Variants in RNF13 observed in about 807,000 individuals in gnomAD.
RNF13 encodes the protein E3 ubiquitin-protein ligase RNF13.
A neutral mutation model predicts 37.7 loss-of-function variants in RNF13; 19 were observed. The ratio of observed to expected loss-of-function variants is 0.50; its 90% CI spans 0.35 to 0.74. The LOEUF is 0.74. Among genes scored for constraint, RNF13 ranks in the 30% least tolerant of loss-of-function variants. The pLI is 0.01. For missense variants in RNF13, 375 were observed against 453.0 expected, an observed-to-expected ratio of 0.83 and a Z score of 1.56; for synonymous variants, 144 against 157.8, an observed-to-expected ratio of 0.91 and a Z score of 0.65.
At chr3:149,829,334 G>A (rs754830356) in intron 1 of RNF13, among the ~76,000 whole-genome samples, 53 of 151,908 alleles carry the variant, frequency 3.5e-4, no homozygotes, top group African/African-American at 1.0e-3. Context: ...TCCTGACCTC[G>A]GGCGATCCTC....
At chr3:149,899,272 C>G (rs1715574120) in intron 5 of RNF13, among the ~76,000 whole-genome samples, 1 of 152,022 alleles carries the variant, frequency 6.6e-6, no homozygotes, top group African/African-American at 2.4e-5. Flanking sequence ...ATTGTGAAAC[C>G]CCATCTCTAC....
At chr3:149,828,811 A>G (rs1720748123) in intron 1 of RNF13, among the ~76,000 whole-genome samples, 1 of 152,174 alleles carries the variant, frequency 6.6e-6, no homozygotes, top group African/African-American at 2.4e-5. Context: ...ACTTAATTAT[A>G]TGGATTCAAT....
chr3:149,939,081 A>ATT (rs1559964237), intron 8 of RNF13: 2 of 501,938 alleles, frequency 4.0e-6, no homozygotes, highest in Non-Finnish European at 3.9e-6. Flanking sequence ...AACTGCTTGC[A>ATT]TTTTAATGTC....
At chr3:149,958,427 C>T (rs750518723) in intron 8 of RNF13, among the ~76,000 whole-genome samples, 39 of 152,148 alleles carry the variant, frequency 2.6e-4, no homozygotes, top group Admixed American at 2.2e-3. Context: ...CACATCGCCC[C>T]GACTCTGAAT....
chr3:149,855,633 T>C (rs923103703), intron 3 of RNF13, among the ~76,000 whole-genome samples: 1 of 151,510 alleles, frequency 6.6e-6, no homozygotes, highest in Admixed American at 6.6e-5. Context: ...TATATATATA[T>C]GTATTTTTTT....
intron 6 of RNF13, among the ~76,000 whole-genome samples, chr3:149,905,262 G>A (rs997821333): frequency 3.3e-5 from 5 of 152,014 alleles, no homozygotes; most frequent in African/African-American, 1.2e-4. Flanking sequence ...TGTCAGATTT[G>A]CTTATTTTTA....
chr3:149,839,942 G>A (rs1204914835), intron 1 of RNF13, among the ~76,000 whole-genome samples: 1 of 152,014 alleles, frequency 6.6e-6, no homozygotes, highest in Non-Finnish European at 1.5e-5. Flanking sequence ...TACTGTCTCT[G>A]TTTATTGTGT....
chr3:149,959,260 A>T (rs1335826437), intron 8 of RNF13, among the ~76,000 whole-genome samples: 3 of 152,238 alleles, frequency 2.0e-5, no homozygotes, highest in Admixed American at 2.0e-4. Flanking sequence ...GTGAACCAAG[A>T]TCATGCCACT....
Position 149,860,766 on chromosome 3 carries a change from A to T in RNF13, c.195+8170A>T, listed in dbSNP as rs556443236. Among the ~76,000 whole-genome samples, 379 of 152,324 alleles carry T rather than the reference A, an allele frequency of 2.5e-3. 3 individuals are homozygous for T. Among genetic ancestry groups the T allele is most frequent in the Non-Finnish European group, 3.5e-3 (236 of 68,016 alleles). ...CAACAAAAAGAAAAATAGACAAATG[A>T]TGCTATATTGAACTAAAAAGCTTTT... On this transcript the variant is annotated intron_variant, in intron 3 of 9. Transcript: ENST00000392894.
At chr3:149,858,395 A>C (rs1406685179) in intron 3 of RNF13, among the ~76,000 whole-genome samples, 3 of 152,206 alleles carry the variant, frequency 2.0e-5, no homozygotes, top group African/African-American at 7.2e-5. Flanking sequence ...TCAGGAGAAC[A>C]AGCTTCTCCA....
intron 2 of RNF13, among the ~76,000 whole-genome samples, chr3:149,846,649 TG>T (rs1445104292): frequency 6.6e-6 from 1 of 152,170 alleles, no homozygotes; most frequent in East Asian, 1.9e-4. Flanking sequence ...TAAGATCTCA[TG>T]AACAATCAGT....
At chr3:149,834,455 A>C (rs55644539) in intron 1 of RNF13, among the ~76,000 whole-genome samples, 4,469 of 152,354 alleles carry the variant, frequency 0.029, 78 homozygotes, top group South Asian at 0.036. Context: ...TGCTCAAATA[A>C]CTTTTGACAG....
intron 3 of RNF13, among the ~76,000 whole-genome samples, chr3:149,853,000 T>C (rs896237208): frequency 2.0e-5 from 3 of 152,046 alleles, no homozygotes; most frequent in African/African-American, 7.2e-5. Context: ...CCTTTTTCTT[T>C]TAATTGTATG....
chr3:149,877,519 T>G (rs1029346362), intron 4 of RNF13, among the ~76,000 whole-genome samples: 3 of 147,396 alleles, frequency 2.0e-5, no homozygotes, highest in Non-Finnish European at 4.5e-5. Context: ...TCTCAGAAAG[T>G]AGCCCTCTAG....
chr3:149,827,641 AAACAT>A (rs1312221268), intron 1 of RNF13, among the ~76,000 whole-genome samples: 1 of 152,222 alleles, frequency 6.6e-6, no homozygotes, highest in East Asian at 1.9e-4. Flanking sequence ...ACTAAACAAT[AAACAT>A]AACAAGTATT....
intron 4 of RNF13, among the ~76,000 whole-genome samples, chr3:149,886,457 A>AT (rs1448497896): frequency 6.6e-6 from 1 of 152,108 alleles, no homozygotes; most frequent in African/African-American, 2.4e-5. Context: ...ATCCTGTCAC[A>AT]TTGCTAAACT....
chr3:149,863,103 T>C (rs1489552800), intron 3 of RNF13, among the ~76,000 whole-genome samples: 1 of 152,220 alleles, frequency 6.6e-6, no homozygotes, highest in Non-Finnish European at 1.5e-5. Flanking sequence ...GTTGCCATTC[T>C]CTTTGAATTC....
At chr3:149,937,000 C>T (rs1009707023) in intron 8 of RNF13, among the ~76,000 whole-genome samples, 112 of 152,202 alleles carry the variant, frequency 7.4e-4, no homozygotes, top group Non-Finnish European at 2.9e-4. Flanking sequence ...AAAGGGGATT[C>T]CCTGGCTGGG....
chr3:149,899,859 A>G (rs1285628666), intron 5 of RNF13, among the ~76,000 whole-genome samples: 4 of 152,230 alleles, frequency 2.6e-5, no homozygotes, highest in Admixed American at 1.3e-4. Context: ...TTCAGAGTTC[A>G]GTTGAGAAAC....
Sources: allele counts gnomAD v4.1 joint callset (sites outside exome capture counted in the v4.1 genomes callset), GRCh38; gene constraint gnomAD v4.1.1; transcripts MANE v1.5; gene names NCBI Gene and HGNC (gene_info 2026-07-23, HGNC 2026-07-21).